The following ZNF723 variants were observed in gnomAD, a reference collection of about 807,000 sequenced individuals.
The protein encoded by ZNF723 is zinc finger protein 723, pseudogene.
In ZNF723, 5 loss-of-function variants were observed where a neutral mutation model predicts 9.4. The observed-to-expected ratio is 0.53, with a 90% confidence interval of 0.28 to 1.12. The LOEUF is 1.12. ZNF723 is among the 50% of genes most tolerant of loss of function. The probability of loss-of-function intolerance (pLI) is 0.10; values close to 1 mark genes in which losing one functional copy is unlikely to be tolerated. For missense variants in ZNF723, 450 were observed against 501.5 expected, an observed-to-expected ratio of 0.90 and a Z score of 0.98; for synonymous variants, 158 against 168.8, an observed-to-expected ratio of 0.94 and a Z score of 0.49.
At chr19:22,844,630 T>A (rs1967285375) in intron 1 of ZNF723, among the ~76,000 whole-genome samples, 1 of 152,236 alleles carries the variant, frequency 6.6e-6, no homozygotes, top group Non-Finnish European at 1.5e-5. Context: ...CTACCTTTTA[T>A]TGCCTCTGTA....
chr19:22,822,276 C>T, the ZNF723 span, among the ~76,000 whole-genome samples: 2 of 152,188 alleles, frequency 1.3e-5, no homozygotes, highest in African/African-American at 4.8e-5. Context: ...TCCTGAACCT[C>T]ACATGCAGAT....
chr19:22,817,888 G>A, the ZNF723 span, among the ~76,000 whole-genome samples: 9 of 152,140 alleles, frequency 5.9e-5, no homozygotes, highest in Non-Finnish European at 8.8e-5. Context: ...CCAGCACACA[G>A]GTGAGATTGT....
the ZNF723 span, among the ~76,000 whole-genome samples, chr19:22,816,329 T>C: frequency 6.6e-6 from 1 of 152,176 alleles, no homozygotes; most frequent in Non-Finnish European, 1.5e-5. Context: ...GAAAAATTGA[T>C]GCATAAATGG....
rs1967492096 is a variant in ZNF723 at position 22,857,259 on chromosome 19, G to GTT, written c.369_370insTT (p.Lys124LeufsTer15). On this transcript the variant is annotated frameshift_variant, in exon 4 of 4. Transcript: ENST00000600766. LOFTEE classifies it low-confidence loss of function (END_TRUNC). The stretch of plus-strand genomic sequence containing the variant: ...AAAGGCTGTGAAAGTGTGGATGAGT[G>GTT]TAAGATGCACAAAGGAGGTTATGAT... 5 of 830,982 alleles carry GTT rather than the reference G, an allele frequency of 6.0e-6. No homozygotes were observed. The highest frequency in any genetic ancestry group is 3.6e-5 in the Admixed American group (2 of 55,872). 51.5% of individuals were successfully genotyped at this position (830,982 alleles called of 1,614,324 possible). A position where few individuals can be genotyped will look rare whatever the true frequency, so the allele number is the denominator to read the frequency against.
At position 22,848,343 on chromosome 19, in the gene ZNF723, A is replaced by G; in HGVS notation, c.86A>G (p.Tyr29Cys). The change falls in exon 2 of 4, where the codon TAT becomes TGT. Residue 29 changes from tyrosine (Y) to cysteine (C), a missense_variant. Around this residue, in one of 5 missense-constraint regions of ZNF723, gnomAD observed 8 missense variants for 25.7 expected, o/e 0.31. Transcript: ENST00000600766. Reference sequence around the variant, plus strand: ...CTGGACACTGCACAGCAGAATTTATATAGGGATGTGATGTTAGAGAACTAC... The same window carrying G: ...CTGGACACTGCACAGCAGAATTTATGTAGGGATGTGATGTTAGAGAACTAC... ...QFLDTAQQNL[Y>C]RDVMLENYRN... 2.0e-6 allele frequency: 3 copies of G among 1,470,996 alleles called. No individual in the cohort carries two copies. The highest frequency in any genetic ancestry group is 2.3e-5 in the East Asian group (1 of 43,846). 91.1% of individuals were successfully genotyped at this position (1,470,996 alleles called of 1,614,324 possible).
chr19:22,847,992 C>T (rs968068636), intron 1 of ZNF723, among the ~76,000 whole-genome samples: 4 of 151,420 alleles, frequency 2.6e-5, no homozygotes, highest in Non-Finnish European at 5.9e-5. Context: ...ATCCCAGCTA[C>T]TTGGGAGACT....
At chr19:22,830,315 C>T (rs936885276), upstream of ZNF723, among the ~76,000 whole-genome samples, 1 of 152,138 alleles carries the variant, frequency 6.6e-6, no homozygotes, top group African/African-American at 2.4e-5. Context: ...AGGCAGGCAA[C>T]ATCATGCCTG....
At chr19:22,839,465 G>GTT (rs1568403960) in intron 1 of ZNF723, among the ~76,000 whole-genome samples, 123 of 91,072 alleles carry the variant, frequency 1.4e-3, no homozygotes, top group African/African-American at 7.1e-3. Context: ...GTTTTTTTTT[G>GTT]GTTTTTTTTT....
chr19:22,813,190 T>C, the ZNF723 span, among the ~76,000 whole-genome samples: 1 of 152,200 alleles, frequency 6.6e-6, no homozygotes, highest in Non-Finnish European at 1.5e-5. Context: ...GCCAGACTGG[T>C]GGAGGTGTTG....
At chr19:22,832,080 T>C (rs563803330), upstream of ZNF723, among the ~76,000 whole-genome samples, 1 of 152,330 alleles carries the variant, frequency 6.6e-6, no homozygotes, top group East Asian at 1.9e-4. Context: ...TGGGCCTGGC[T>C]CATTTCAGGG....
In ZNF723 at chr19:22,858,011, T is replaced by C. The variant is rs1967507096; in HGVS notation, c.1120T>C (p.Cys374Arg). ...AGAGAAACCCTACAAATGTGAAGAATGTGGCAAAGCTTTTAAAGTATCTGT... is the reference window on the plus strand; with the variant it reads ...AGAGAAACCCTACAAATGTGAAGAACGTGGCAAAGCTTTTAAAGTATCTGT... ...TGEKPYKCEECGKAFKVSVHL... is the reference protein window; with the variant it reads ...TGEKPYKCEERGKAFKVSVHL... The change falls in exon 4 of 4, where the codon TGT becomes CGT. Residue 374 changes from cysteine to arginine, a missense_variant. Physicochemically the swap from Cys to Arg is radical, Grantham distance 180 (BLOSUM62 -3). Transcript: ENST00000600766. The C allele has an allele frequency of 3.9e-6, 6 of 1,544,654 alleles. No homozygotes were observed. In the African/African-American group the frequency reaches 5.4e-5, roughly 14 times the overall value.
At chr19:22,825,869 A>C in the ZNF723 span, among the ~76,000 whole-genome samples, 1 of 152,334 alleles carries the variant, frequency 6.6e-6, no homozygotes, top group South Asian at 2.1e-4. Context: ...GTGACATGTA[A>C]GTGGACCCAG....
At chr19:22,820,610 A>G in the ZNF723 span, among the ~76,000 whole-genome samples, 1 of 152,186 alleles carries the variant, frequency 6.6e-6, no homozygotes, top group Admixed American at 6.5e-5. Flanking sequence ...TAAGAGATAT[A>G]CTGTCTCTTC....
chr19:22,848,434 T>TTTTTTTGGTGTTGTAGAATG, intron 2 of ZNF723, 47 bp downstream of exon 2: 1 of 1,245,926 alleles, frequency 8.0e-7, no homozygotes, highest in Non-Finnish European at 1.1e-6. Context: ...TAAATGTTTC[T>TTTTTTTGGTGTTGTAGAATG]TTTTTTGGTG....
the ZNF723 span, among the ~76,000 whole-genome samples, chr19:22,814,558 A>G: frequency 6.6e-6 from 1 of 152,214 alleles, no homozygotes; most frequent in Non-Finnish European, 1.5e-5. Context: ...CACAATTCAC[A>G]GGAGAGATTG....
rs143891765 is a variant in ZNF723, at chr19:22,832,338, A to G, written c.-42A>G. On this transcript the variant is annotated 5_prime_UTR_variant, in exon 1 of 4. Transcript: ENST00000600766. ...GGCCTCCTGACCTACATGCATTGGG[A>G]GATCCACAGCTAAGACGCCAGGACT... 6.3e-3 allele frequency: 8,696 copies of G among 1,381,904 alleles called. 89 individuals carry two copies. The highest frequency in any genetic ancestry group is 0.022 in the South Asian group (1,923 of 86,736). The allele number at this position is 1,381,904 out of a possible 1,614,324, so 85.6% of individuals were successfully genotyped here. A position where few individuals can be genotyped will look rare whatever the true frequency, so the allele number is the denominator to read the frequency against.
upstream of ZNF723, among the ~76,000 whole-genome samples, chr19:22,829,280 G>A (rs1173743940): frequency 7.2e-6 from 1 of 138,610 alleles, no homozygotes; most frequent in African/African-American, 2.9e-5. Flanking sequence ...TTGACACTAC[G>A]TAAGTACTCT....
intron 1 of ZNF723, among the ~76,000 whole-genome samples, chr19:22,838,526 C>G (rs527389280): frequency 9.2e-5 from 14 of 151,368 alleles, no homozygotes; most frequent in African/African-American, 3.2e-4. Flanking sequence ...CATTCCAGCC[C>G]GGTCGACAAA....
chr19:22,855,149 A>G (rs567904517), intron 3 of ZNF723, among the ~76,000 whole-genome samples: 1 of 152,182 alleles, frequency 6.6e-6, no homozygotes, highest in East Asian at 1.9e-4. Context: ...CGTTATAACA[A>G]TGGTAGGAAA....
Sources: allele counts gnomAD v4.1 joint callset (sites outside exome capture counted in the v4.1 genomes callset), GRCh38; gene constraint gnomAD v4.1.1; regional missense constraint gnomAD v4.1.1; transcripts MANE v1.5; gene names NCBI Gene and HGNC (gene_info 2026-07-23, HGNC 2026-07-21).